Variants in VDAC1 observed in about 807,000 individuals in gnomAD.
The protein encoded by VDAC1 is non-selective voltage-gated ion channel VDAC1.
VDAC1 carries 10 observed loss-of-function variants against 34.7 expected under a neutral mutation model. The observed-to-expected ratio is 0.29, with a 90% CI of 0.18 to 0.49. The LOEUF is 0.49. Ranked by LOEUF, VDAC1 falls within the 20% of genes least tolerant of loss-of-function variation. The probability of loss-of-function intolerance (pLI) is 0.99; values close to 1 mark genes in which losing one functional copy is unlikely to be tolerated. For synonymous variants in VDAC1, 130 were observed against 136.0 expected (o/e 0.96, Z 0.30); for missense variants, 230 against 347.9 (o/e 0.66, Z 2.69).
the VDAC1 span, among the ~76,000 whole-genome samples, chr5:134,053,450 T>C: frequency 6.6e-6 from 1 of 152,178 alleles, no homozygotes; most frequent in Non-Finnish European, 1.5e-5. Flanking sequence ...CATCATTGTC[T>C]AGGGCTCCTG....
chr5:134,113,105 G>A, the VDAC1 span, among the ~76,000 whole-genome samples: 1 of 152,160 alleles, frequency 6.6e-6, no homozygotes, highest in East Asian at 1.9e-4. Context: ...TCTCCCCTCC[G>A]GGCAGGGCCG....
the VDAC1 span, among the ~76,000 whole-genome samples, chr5:134,085,813 T>C: frequency 6.9e-6 from 1 of 145,072 alleles, no homozygotes; most frequent in South Asian, 2.2e-4. Flanking sequence ...GAGGCTGAGA[T>C]GGGAGGATCA....
At chr5:133,985,474 A>C (rs1752871717) in intron 5 of VDAC1, among the ~76,000 whole-genome samples, 1 of 152,040 alleles carries the variant, frequency 6.6e-6, no homozygotes, top group African/African-American at 2.4e-5. Flanking sequence ...GCCAACACGG[A>C]AAAACCCTGT....
chr5:134,083,644 C>T, the VDAC1 span, among the ~76,000 whole-genome samples: 652 of 152,338 alleles, frequency 4.3e-3, 6 homozygotes, highest in African/African-American at 0.014. Context: ...CTCAGCTGGC[C>T]GTGGTACCCC....
the VDAC1 span, among the ~76,000 whole-genome samples, chr5:134,041,425 G>A: frequency 2.3e-3 from 350 of 152,322 alleles, 2 homozygotes; most frequent in Middle Eastern, 0.024. Context: ...GTGGGAAGGC[G>A]AAGGAATGGG....
the VDAC1 span, among the ~76,000 whole-genome samples, chr5:134,020,279 A>T: frequency 6.6e-6 from 1 of 151,854 alleles, no homozygotes; most frequent in Non-Finnish European, 1.5e-5. Flanking sequence ...TTCAGGTTCA[A>T]ATCTAAACCT....
At chr5:133,979,771 C>T (rs1752622850) in intron 6 of VDAC1, among the ~76,000 whole-genome samples, 1 of 152,146 alleles carries the variant, frequency 6.6e-6, no homozygotes, top group African/African-American at 2.4e-5. Context: ...AATTTTAACA[C>T]ACGTACACAG....
chr5:134,026,694 C>T, the VDAC1 span, among the ~76,000 whole-genome samples: 8 of 152,132 alleles, frequency 5.3e-5, no homozygotes, highest in African/African-American at 1.4e-4. Flanking sequence ...ACCTGGCAGG[C>T]AAGTTGCCTC....
chr5:134,053,081 C>G, the VDAC1 span, among the ~76,000 whole-genome samples: 1 of 152,068 alleles, frequency 6.6e-6, no homozygotes, highest in Non-Finnish European at 1.5e-5. Flanking sequence ...CGCCATTGCA[C>G]TCCAGCCTGG....
the VDAC1 span, among the ~76,000 whole-genome samples, chr5:134,034,870 G>C: frequency 6.6e-6 from 1 of 152,026 alleles, no homozygotes; most frequent in Non-Finnish European, 1.5e-5. Flanking sequence ...CTCAGGTATC[G>C]GTATACATTC....
At chr5:134,009,077 C>T (rs1753794792), upstream of VDAC1, among the ~76,000 whole-genome samples, 1 of 151,996 alleles carries the variant, frequency 6.6e-6, no homozygotes, top group South Asian at 2.1e-4. Context: ...TAATATTCTC[C>T]TGCATATCCC....
At chr5:134,089,121 G>A in the VDAC1 span, among the ~76,000 whole-genome samples, 2 of 152,224 alleles carry the variant, frequency 1.3e-5, no homozygotes, top group Admixed American at 6.5e-5. Flanking sequence ...CTAGGGCTTT[G>A]CCTGGACTTG....
intron 6 of VDAC1, among the ~76,000 whole-genome samples, chr5:133,979,354 T>C (rs1752597388): frequency 6.6e-6 from 1 of 152,040 alleles, no homozygotes; most frequent in African/African-American, 2.4e-5. Context: ...ATGTGGTATG[T>C]TTCCTATAGC....
At chr5:134,092,494 G>A in the VDAC1 span, among the ~76,000 whole-genome samples, 401 of 152,068 alleles carry the variant, frequency 2.6e-3, 5 homozygotes, top group African/African-American at 9.0e-3. Flanking sequence ...TTGAATCCTG[G>A]GGTAGTGTCT....
At chr5:134,057,323 T>C in the VDAC1 span, among the ~76,000 whole-genome samples, 1 of 151,872 alleles carries the variant, frequency 6.6e-6, no homozygotes, top group African/African-American at 2.4e-5. Flanking sequence ...CTACTAAAAA[T>C]ACAAAAATTA....
chr5:134,027,796 G>A, the VDAC1 span, among the ~76,000 whole-genome samples: 1 of 134,198 alleles, frequency 7.5e-6, no homozygotes, highest in African/African-American at 2.8e-5. Flanking sequence ...TTGAGATGGA[G>A]TCTCGCTCTT....
At chr5:133,984,105 G>A (rs947973199) in intron 5 of VDAC1, among the ~76,000 whole-genome samples, 2 of 152,046 alleles carry the variant, frequency 1.3e-5, no homozygotes, top group African/African-American at 4.8e-5. Context: ...GTCCAGGCAG[G>A]AGTGCAGTGG....
intron 5 of VDAC1, among the ~76,000 whole-genome samples, chr5:133,985,700 A>G (rs969650747): frequency 6.6e-5 from 10 of 152,214 alleles, no homozygotes; most frequent in Non-Finnish European, 1.0e-4. Context: ...CTTTGGGGAA[A>G]GAAGTCTGGG....
the VDAC1 span, among the ~76,000 whole-genome samples, chr5:134,084,256 C>T: frequency 6.6e-6 from 1 of 152,036 alleles, no homozygotes; most frequent in Non-Finnish European, 1.5e-5. Context: ...GGGGAGGTGC[C>T]GAGGTAGGAA....
Sources: allele counts gnomAD v4.1 joint callset (sites outside exome capture counted in the v4.1 genomes callset), GRCh38; gene constraint gnomAD v4.1.1; transcripts MANE v1.5; gene names NCBI Gene and HGNC (gene_info 2026-07-23, HGNC 2026-07-21).